NPC2: variants seen among roughly 807,000 people sequenced by gnomAD.
NPC2 encodes the protein Niemann-Pick disease type C2 protein.
Under a neutral mutation model 17.0 loss-of-function variants are expected in NPC2, and 14 were observed. The observed-to-expected ratio is 0.82, with a 90% CI of 0.54 to 1.29. NPC2 has a LOEUF of 1.29. NPC2 is among the 50% of genes most tolerant of loss of function. The probability of loss-of-function intolerance (pLI) is 0.00; values close to 1 mark genes in which losing one functional copy is unlikely to be tolerated. For missense variants in NPC2, 167 were observed against 183.4 expected (o/e 0.91, Z 0.52); for synonymous variants, 75 against 69.3 (o/e 1.08, Z -0.41).
Position 74,480,045 on chromosome 14 carries a change from A to G in NPC2, c.*229T>C. ...TTAAAAAAAAAATTAAACATCTGCT[A>G]ACCAAGTGCTGCATTTAATGAAACC... On this transcript the variant is annotated 3_prime_UTR_variant, in exon 5 of 5. Transcript: ENST00000555619. The G allele has an allele frequency of 6.7e-7, 1 of 1,497,716 alleles. No homozygotes were observed. Among genetic ancestry groups the G allele is most frequent in the Non-Finnish European group, 8.9e-7 (1 of 1,128,424 alleles). 92.8% of individuals were successfully genotyped at this position (1,497,716 alleles called of 1,614,324 possible).
Position 74,482,505 on chromosome 14 carries a change from T to C in NPC2, c.364-1726A>G, listed in dbSNP as rs565766423. On this transcript the variant is annotated intron_variant, in intron 3 of 4. Coordinates refer to ENST00000555619, the MANE Select transcript of NPC2 (RefSeq NM_006432.5). The stretch of plus-strand genomic sequence containing the variant: ...GGGGATTGGAGGGCAGAAAGAAGGC[T>C]GGAAAAAGCTACCTCTCTGCCATGG... Among the ~76,000 whole-genome samples the C allele has an allele frequency of 2.0e-5, 3 of 152,174 alleles. No homozygotes were observed. The South Asian group carries it at 6.2e-4, about 32-fold the overall frequency.
intron 4 of NPC2, 98 bp from the exon 5 acceptor site, chr14:74,480,386 C>G: frequency 9.5e-7 from 1 of 1,052,528 alleles, no homozygotes; most frequent in South Asian, 1.3e-5. Context: ...CATTCCTAAG[C>G]AACCTCCTTC....
In NPC2 at chr14:74,493,230, G is replaced by T. The variant is rs1025180543; in HGVS notation, c.45C>A (p.Thr15=). The T allele has an allele frequency of 1.5e-5, 25 of 1,612,920 alleles. No homozygotes were observed. The highest frequency in any genetic ancestry group is 6.7e-5 in the Admixed American group (4 of 59,952). The change falls in exon 1 of 5, where the codon ACC becomes ACA. Residue 15 remains threonine (T), a synonymous_variant. Transcript: ENST00000555619. The surrounding 1 kb of genome is among the most constrained non-coding windows in gnomAD (Gnocchi z 4.1). ...ACTGCACCGGTTCGGCCTGGGCAGC[G>T]GTGCTGAGCGCCAGGAGCAGGAATG... is the stretch of plus-strand genomic sequence containing the variant. ...AATFLLLALS[T]AAQAEPVQFK...
chr14:74,480,644 G>A, intron 4 of NPC2, 58 bp downstream of exon 4: 2 of 1,373,100 alleles, frequency 1.5e-6, no homozygotes, highest in Non-Finnish European at 2.1e-6. Context: ...GTTTCAGTCT[G>A]ATTTCTCCTC....
intron 1 of NPC2, among the ~76,000 whole-genome samples, chr14:74,492,064 A>AC (rs1282386465): frequency 2.0e-5 from 3 of 152,014 alleles, no homozygotes; most frequent in African/African-American, 7.3e-5. Context: ...AAATGACACC[A>AC]CCCAGAGGTC....
At chr14:74,480,543 C>T in intron 4 of NPC2, 159 bp downstream of exon 4, 1 of 805,394 alleles carries the variant, frequency 1.2e-6, no homozygotes, top group Middle Eastern at 2.3e-4. Flanking sequence ...CAGTTCTGAG[C>T]TCTCAGGAAA....
At chr14:74,488,035 C>A (rs959264520) in intron 1 of NPC2, among the ~76,000 whole-genome samples, 1 of 152,178 alleles carries the variant, frequency 6.6e-6, no homozygotes, top group East Asian at 1.9e-4. Context: ...GCTTTAAATA[C>A]GCAGCCATGT....
chr14:74,487,264 G>GTTT (rs1491518755), intron 1 of NPC2, among the ~76,000 whole-genome samples: 7 of 142,976 alleles, frequency 4.9e-5, no homozygotes, highest in South Asian at 2.2e-4. Context: ...TGTTTTTGTG[G>GTTT]TTTTTTTTTG....
chr14:74,493,290 T>G lies in NPC2; in HGVS notation c.-16A>C. The stretch of plus-strand genomic sequence containing the variant: ...GGAAACGCATCGCGGATAACGAAGT[T>G]CCAAGCTCGGGAAAGAAGCAGCGGC... On this transcript the variant is annotated 5_prime_UTR_variant, in exon 1 of 5. Transcript: ENST00000555619. This position sits in a 1 kb window ranked among gnomAD's most constrained non-coding sequence, Gnocchi z 4.1. 2 of 1,611,182 alleles carry G rather than the reference T, an allele frequency of 1.2e-6. No homozygotes were observed. The highest frequency in any genetic ancestry group is 1.7e-6 in the Non-Finnish European group (2 of 1,179,046).
intron 1 of NPC2, among the ~76,000 whole-genome samples, chr14:74,487,625 G>A (rs181921572): frequency 1.3e-5 from 2 of 152,272 alleles, no homozygotes; most frequent in African/African-American, 2.4e-5. Context: ...GAAACTCCGC[G>A]GAGGAAGATC....
chr14:74,482,605 A>C (rs1470424547), intron 3 of NPC2, among the ~76,000 whole-genome samples: 1 of 152,212 alleles, frequency 6.6e-6, no homozygotes, highest in Admixed American at 6.5e-5. Context: ...GACAATGTTA[A>C]GACAACTTGG....
chr14:74,480,821 C>A, intron 3 of NPC2, 42 bp from the exon 4 acceptor site: 1 of 1,494,994 alleles, frequency 6.7e-7, no homozygotes, highest in Non-Finnish European at 9.3e-7. Flanking sequence ...GAAAATAGGA[C>A]CTGACTTCTA....
rs781704748 is a variant in NPC2 at position 74,493,154 on chromosome 14, A to G, written c.82+39T>C. The G allele has an allele frequency of 1.5e-5, 23 of 1,583,694 alleles. No homozygotes were observed. Among genetic ancestry groups the G allele is most frequent in the Non-Finnish European group, 8.6e-7 (1 of 1,166,338 alleles). ...GCGCGGGGGTCCGGCGGGGCCTTCC[A>G]CAGAGGGCGCGGGAACCTTGGGCGG... On this transcript the variant is annotated intron_variant, in intron 1 of 4. Coordinates refer to ENST00000555619, the MANE Select transcript of NPC2 (RefSeq NM_006432.5). This position sits in a 1 kb window ranked among gnomAD's most constrained non-coding sequence, Gnocchi z 4.1.
rs752134010 is a variant in NPC2 at position 74,480,770 on chromosome 14, C to A, written c.373G>T (p.Val125Leu). ...VKSEYPSIKLVVEWQLQDDKN... is the reference protein window; with the variant it reads ...VKSEYPSIKLLVEWQLQDDKN... ...TCATCCTGAAGTTGCCACTCCACCACCAGTTTTATCTGGAGAAAGAGAAAA... is the reference window on the plus strand; with the variant it reads ...TCATCCTGAAGTTGCCACTCCACCAACAGTTTTATCTGGAGAAAGAGAAAA... The change falls in exon 4 of 5, where the codon GTG becomes TTG. Residue 125 changes from valine (V) to leucine (L), a missense_variant. Val to Leu is a conservative substitution (Grantham distance 32, BLOSUM62 1). Coordinates refer to ENST00000555619, the MANE Select transcript of NPC2 (RefSeq NM_006432.5). The A allele has an allele frequency of 6.2e-7, 1 of 1,613,350 alleles. No homozygotes were observed. The highest frequency in any genetic ancestry group is 1.3e-5 in the African/African-American group (1 of 75,026).
intron 3 of NPC2, among the ~76,000 whole-genome samples, chr14:74,481,903 T>C (rs902163475): frequency 1.3e-5 from 2 of 152,236 alleles, no homozygotes; most frequent in Non-Finnish European, 2.9e-5. Context: ...TCTTTTGTAC[T>C]CTAATGTTTC....
intron 1 of NPC2, among the ~76,000 whole-genome samples, chr14:74,487,497 G>GAT: frequency 6.6e-6 from 1 of 152,024 alleles, no homozygotes; most frequent in Non-Finnish European, 1.5e-5. Flanking sequence ...AAACTCCTAG[G>GAT]CTCAAGCAAT....
chr14:74,493,324 G>A, upstream of NPC2: 1 of 1,591,508 alleles, frequency 6.3e-7, no homozygotes, highest in Non-Finnish European at 8.5e-7. The surrounding 1 kb of genome is among the most constrained non-coding windows in gnomAD (Gnocchi z 4.1). Flanking sequence ...GCCGCCCGCG[G>A]TCACAAGACA....
rs2086644128 is a variant in NPC2, at chr14:74,480,466, T to TAC, written c.442-180_442-179dup. On this transcript the variant is annotated intron_variant, in intron 4 of 4. Transcript: ENST00000555619. ...CAATGAAGACAGTTAAATCAATCTC[T>TAC]ACAGTCTCACTCTCTCTTCTTTCCT... is the stretch of plus-strand genomic sequence containing the variant. 3.9e-6 allele frequency: 3 copies of TAC among 768,992 alleles called. No homozygotes were observed. In the Admixed American group the frequency reaches 5.6e-5, roughly 14 times the overall value. 47.6% of individuals were successfully genotyped at this position (768,992 alleles called of 1,614,324 possible).
intron 3 of NPC2, chr14:74,482,887 G>T: frequency 2.3e-6 from 1 of 428,450 alleles, no homozygotes; most frequent in South Asian, 2.4e-5. Flanking sequence ...GCAGCTGGGA[G>T]GAGGGAGGAG....
Sources: allele counts gnomAD v4.1 joint callset (sites outside exome capture counted in the v4.1 genomes callset), GRCh38; gene constraint gnomAD v4.1.1; non-coding constraint Gnocchi (gnomAD v3.1); transcripts MANE v1.5; gene names NCBI Gene and HGNC (gene_info 2026-07-23, HGNC 2026-07-21).